SLC44A3: variants seen among roughly 807,000 people sequenced by gnomAD.
SLC44A3 encodes the protein solute carrier family 44 member 3.
SLC44A3 carries 74 observed loss-of-function variants against 75.4 expected under a neutral mutation model. The ratio of observed to expected loss-of-function variants is 0.98; its 90% CI spans 0.81 to 1.19. The LOEUF is 1.19. Ranked by LOEUF, SLC44A3 falls within the 50% of genes most tolerant of loss-of-function variation. The pLI is 0.00. For missense variants in SLC44A3, 700 were observed against 778.6 expected (o/e 0.90, Z 1.20); for synonymous variants, 310 against 296.9 (o/e 1.04, Z -0.45).
intron 12 of SLC44A3, among the ~76,000 whole-genome samples, chr1:94,883,299 G>C (rs899007392): frequency 6.6e-6 from 1 of 152,050 alleles, no homozygotes; most frequent in African/African-American, 2.4e-5. Context: ...TCAGGAATTC[G>C]AGACCAGCCT....
At chr1:94,869,563 AGAG>A (rs1667538771) in intron 12 of SLC44A3, among the ~76,000 whole-genome samples, 1 of 152,214 alleles carries the variant, frequency 6.6e-6, no homozygotes, top group African/African-American at 2.4e-5. Flanking sequence ...GAGATTGGGA[AGAG>A]GAGGAAGAAT....
At chr1:94,865,045 C>T in intron 11 of SLC44A3, 146 bp downstream of exon 11, 1 of 660,532 alleles carries the variant, frequency 1.5e-6, no homozygotes, top group Non-Finnish European at 2.4e-6. Flanking sequence ...CAGCTCCCAT[C>T]CCCCGCCTCT....
At chr1:94,849,445 C>T (rs1354267932) in intron 9 of SLC44A3, among the ~76,000 whole-genome samples, 2 of 152,164 alleles carry the variant, frequency 1.3e-5, no homozygotes, top group East Asian at 3.9e-4. Context: ...GCACAGGGTC[C>T]CCTTTGTTCT....
intron 12 of SLC44A3, among the ~76,000 whole-genome samples, chr1:94,881,983 G>A (rs902877817): frequency 6.6e-6 from 1 of 151,964 alleles, no homozygotes; most frequent in African/African-American, 2.4e-5. Flanking sequence ...TCGCACCACT[G>A]CATTCTAGCC....
At chr1:94,836,332 T>C (rs1442060555) in intron 5 of SLC44A3, among the ~76,000 whole-genome samples, 1 of 152,202 alleles carries the variant, frequency 6.6e-6, no homozygotes, top group Non-Finnish European at 1.5e-5. Flanking sequence ...TAGGCTTTTT[T>C]ACATTTCAGG....
chr1:94,827,684 G>A, intron 4 of SLC44A3, 41 bp downstream of exon 4: 1 of 1,608,864 alleles, frequency 6.2e-7, no homozygotes, highest in Non-Finnish European at 8.5e-7. Context: ...CCCATGATGG[G>A]GTAAGCTGTG....
intron 12 of SLC44A3, among the ~76,000 whole-genome samples, chr1:94,870,280 C>A (rs1333276202): frequency 6.6e-6 from 1 of 152,186 alleles, no homozygotes; most frequent in East Asian, 1.9e-4. Flanking sequence ...TAATAGGGAC[C>A]AGGACCATGG....
intron 12 of SLC44A3, among the ~76,000 whole-genome samples, chr1:94,872,353 C>T (rs561097811): frequency 1.9e-4 from 29 of 152,204 alleles, no homozygotes; most frequent in Non-Finnish European, 3.2e-4. Context: ...ACCTCAGCCT[C>T]CCAAAGTGCT....
intron 14 of SLC44A3, among the ~76,000 whole-genome samples, chr1:94,894,547 A>T (rs907025346): frequency 1.3e-5 from 2 of 151,502 alleles, no homozygotes; most frequent in African/African-American, 4.9e-5. Flanking sequence ...AGCTCATTAA[A>T]CTCCCCTAAA....
Position 94,842,067 on chromosome 1 carries a change from A to C in SLC44A3, c.828A>C (p.Thr276=). Residue 276 remains threonine (T), a synonymous_variant, in exon 8 of 15, where the codon ACA becomes ACC. Transcript: ENST00000271227. Reference sequence around the variant, plus strand: ...ACGACCTCAGCATAGAATTGGACACAGAAAGGGAAAATATGAAGTGCGTGC... The same window carrying C: ...ACGACCTCAGCATAGAATTGGACACCGAAAGGGAAAATATGAAGTGCGTGC... ...YTNDLSIELD[T]ERENMKCVLG... 1 of 1,613,656 alleles carries C rather than the reference A, an allele frequency of 6.2e-7. No individual in the cohort carries two copies. Among genetic ancestry groups the C allele is most frequent in the Non-Finnish European group, 8.5e-7 (1 of 1,179,822 alleles).
At chr1:94,845,919 C>G (rs540087328) in intron 9 of SLC44A3, among the ~76,000 whole-genome samples, 7 of 152,230 alleles carry the variant, frequency 4.6e-5, no homozygotes, top group African/African-American at 1.4e-4. Flanking sequence ...TAGGCCAAGG[C>G]AGGTAGACCA....
Position 94,893,722 on chromosome 1 carries a change from G to A in SLC44A3, c.1858-1096G>A, listed in dbSNP as rs1469187576. On this transcript the variant is annotated intron_variant, in intron 14 of 14. Coordinates refer to ENST00000271227, the MANE Select transcript of SLC44A3 (RefSeq NM_001114106.3). ...TACTTGTTTATTGACTTATTTGTAT[G>A]TACTCTAAGGAAAGTGCTTATGATG... Among the ~76,000 whole-genome samples, 3 of 152,054 alleles carry A rather than the reference G, an allele frequency of 2.0e-5. No homozygotes were observed. The East Asian group carries it at 5.8e-4, about 29-fold the overall frequency.
intron 12 of SLC44A3, among the ~76,000 whole-genome samples, chr1:94,868,229 A>AG (rs1557865042): frequency 6.6e-6 from 1 of 152,328 alleles, no homozygotes; most frequent in Non-Finnish European, 1.5e-5. Context: ...TATTTTTGTA[A>AG]GTTAGCAAAC....
At chr1:94,890,097 G>A (rs1338492719) in intron 12 of SLC44A3, among the ~76,000 whole-genome samples, 1 of 152,088 alleles carries the variant, frequency 6.6e-6, no homozygotes, top group East Asian at 1.9e-4. Context: ...TGATCCTCCC[G>A]CCTCGGCCTC....
chr1:94,876,927 G>A (rs1668356344), intron 12 of SLC44A3, among the ~76,000 whole-genome samples: 1 of 152,034 alleles, frequency 6.6e-6, no homozygotes, highest in Admixed American at 6.6e-5. Context: ...CCATCTTTAT[G>A]GCCACTCAGG....
chr1:94,894,804 CTTTT>C lies in SLC44A3; in HGVS notation c.1858-13_1858-10del. 1 of 1,600,490 alleles carries C rather than the reference CTTTT, an allele frequency of 6.2e-7. No individual in the cohort carries two copies. The highest frequency in any genetic ancestry group is 8.5e-7 in the Non-Finnish European group (1 of 1,172,388). ...ACACATAATACTATTCTAACTTGTT[CTTTT>C]GTTTTTCAGAGTTTCGTAAAAAGGA... is the stretch of plus-strand genomic sequence containing the variant. On this transcript the variant is annotated splice_polypyrimidine_tract_variant and intron_variant, in intron 14 of 14. Coordinates refer to ENST00000271227, the MANE Select transcript of SLC44A3 (RefSeq NM_001114106.3).
chr1:94,864,905 G>T lies in SLC44A3; in HGVS notation c.1395+6G>T, dbSNP rs752001427. 6.2e-7 allele frequency: 1 copy of T among 1,612,868 alleles called. No homozygotes were observed. The highest frequency in any genetic ancestry group is 1.1e-5 in the South Asian group (1 of 90,940). On this transcript the variant is annotated splice_donor_region_variant and intron_variant, in intron 11 of 14. Transcript: ENST00000271227. ...AAAACGCACTGAAAGAACAGGTAAG[G>T]CTACCTCCTGATACACAGCACGTTC...
intron 10 of SLC44A3, among the ~76,000 whole-genome samples, chr1:94,861,659 T>G (rs1054998344): frequency 6.6e-6 from 1 of 152,260 alleles, no homozygotes. Flanking sequence ...AGTTCACAAT[T>G]CTTCGTATCC....
chr1:94,827,049 C>G (rs79775260), intron 3 of SLC44A3, among the ~76,000 whole-genome samples: 1 of 152,228 alleles, frequency 6.6e-6, no homozygotes, highest in South Asian at 2.1e-4. Context: ...AAAGACAAGC[C>G]TTTGGTTCCC....
Sources: gnomAD v4.1 joint callset for allele counts (sites outside exome capture counted in the v4.1 genomes callset) on GRCh38, gnomAD v4.1.1 for gene constraint, MANE v1.5 for transcripts, NCBI Gene and HGNC (gene_info 2026-07-23, HGNC 2026-07-21) for gene names.